The following GNAT1 variants were observed in gnomAD, a reference collection of about 807,000 sequenced individuals.
GNAT1 encodes the protein guanine nucleotide-binding protein G(t) subunit alpha-1.
Under a neutral mutation model 40.0 loss-of-function variants are expected in GNAT1, and 36 were observed. The ratio of observed to expected loss-of-function variants is 0.90; its 90% confidence interval spans 0.69 to 1.19. GNAT1 has a LOEUF of 1.19. Among genes scored for constraint, GNAT1 ranks in the 50% most tolerant of loss-of-function variants. The pLI is 0.00. For synonymous variants in GNAT1, 195 were observed against 192.9 expected (o/e 1.01, Z -0.09); for missense variants, 413 against 480.6 (o/e 0.86, Z 1.32).
At chr3:50,192,954 C>T (rs1412861624) in intron 1 of GNAT1, 179 bp from the exon 2 acceptor site, 3 of 649,794 alleles carry the variant, frequency 4.6e-6, no homozygotes, top group Admixed American at 2.5e-5. Flanking sequence ...CTTGTGACTT[C>T]AGGATGTCAG....
rs898213119 is a variant in GNAT1, at chr3:50,196,974, G to A, written c.*1708G>A. Among the ~76,000 whole-genome samples, 1 of 152,012 alleles carries A rather than the reference G, an allele frequency of 6.6e-6. No individual in the cohort carries two copies. The highest frequency in any genetic ancestry group is 2.4e-5 in the African/African-American group (1 of 41,348). Reference sequence around the variant, plus strand: ...TTGCAGGGCTGGGATTAGGGTGAGGGAAGTGAGGCACACTCACCTTGGGTG... The same window carrying A: ...TTGCAGGGCTGGGATTAGGGTGAGGAAAGTGAGGCACACTCACCTTGGGTG... On this transcript the variant is annotated 3_prime_UTR_variant, in exon 9 of 9. Transcript: ENST00000232461.
At position 50,193,121 on chromosome 3, in the gene GNAT1, C is replaced by T. The variant is rs1281062462; in HGVS notation, c.107-12C>T. On this transcript the variant is annotated splice_polypyrimidine_tract_variant and intron_variant, in intron 1 of 8. Transcript: ENST00000232461. The surrounding 1 kb of genome is among the most constrained non-coding windows in gnomAD (Gnocchi z 8.1). ...TGGTCAGCGCAGCTCTGAGGCGCCG[C>T]GTCTCTTTCAGGTGCCGGTGAGTCC... is the stretch of plus-strand genomic sequence containing the variant. 1 of 1,613,684 alleles carries T rather than the reference C, an allele frequency of 6.2e-7. No individual in the cohort carries two copies.
chr3:50,194,631 G>C lies in GNAT1; in HGVS notation c.839G>C (p.Ser280Thr). 6.2e-7 allele frequency: 1 copy of C among 1,613,528 alleles called. No homozygotes were observed. The highest frequency in any genetic ancestry group is 2.2e-5 in the East Asian group (1 of 44,876). The change falls in exon 7 of 9, where the codon AGC becomes ACC. Residue 280 changes from serine to threonine, a missense_variant. Transcript: ENST00000232461. The surrounding 1 kb of genome is among the most constrained non-coding windows in gnomAD (Gnocchi z 6.1). ...GAGAAGATCAAGAAGGCGCACCTCA[G>C]CATCTGTTTCCCGGACTACGATGGT... ...FFEKIKKAHLSICFPDYDGPN... is the reference protein window; with the variant it reads ...FFEKIKKAHLTICFPDYDGPN...
chr3:50,194,975 C>T lies in GNAT1; in HGVS notation c.*1+19C>T. ...TTCTGAGGTAGGTCGCTGCCCTCTC[C>T]AGGCTCTTGCCTCAATACCCCAGCC... On this transcript the variant is annotated intron_variant, in intron 8 of 8. Transcript: ENST00000232461. This position sits in a 1 kb window ranked among gnomAD's most constrained non-coding sequence, Gnocchi z 6.1. 1 of 1,581,254 alleles carries T rather than the reference C, an allele frequency of 6.3e-7. No individual in the cohort carries two copies. The highest frequency in any genetic ancestry group is 8.7e-7 in the Non-Finnish European group (1 of 1,156,036).
In GNAT1 at chr3:50,194,686, C is replaced by T. The variant is rs1699475386; in HGVS notation, c.862+32C>T. The T allele has an allele frequency of 6.2e-7, 1 of 1,610,992 alleles. No homozygotes were observed. ...AGTCCGCAAGGCCGCCAGGCGGCGC[C>T]CCCGCCCCACGATCGCGGCGCGCAC... On this transcript the variant is annotated intron_variant, in intron 7 of 8. Coordinates refer to ENST00000232461, the MANE Select transcript of GNAT1 (RefSeq NM_144499.3). This position sits in a 1 kb window ranked among gnomAD's most constrained non-coding sequence, Gnocchi z 6.1.
At chr3:50,192,177 C>T (rs922289626) in intron 1 of GNAT1, among the ~76,000 whole-genome samples, 1 of 152,230 alleles carries the variant, frequency 6.6e-6, no homozygotes, top group African/African-American at 2.4e-5. Context: ...GATACGCCTG[C>T]TAGGCAATGC....
In GNAT1 at chr3:50,197,017, C is replaced by T. The variant is rs1409614997; in HGVS notation, c.*1751C>T. On this transcript the variant is annotated 3_prime_UTR_variant, in exon 9 of 9. Transcript: ENST00000232461. ...CTTGGGTGCAACATTTAAGGCGATG[C>T]CAAAAAATTTAGTAACCAAGGTAAA... Among the ~76,000 whole-genome samples, 1 of 151,766 alleles carries T rather than the reference C, an allele frequency of 6.6e-6. No homozygotes were observed. The highest frequency in any genetic ancestry group is 1.5e-5 in the Non-Finnish European group (1 of 67,964).
In GNAT1 at chr3:50,193,669, CGCGCGGGCAGCGCGGG is replaced by C. The variant is rs775214275; in HGVS notation, c.449+14_449+29del. 3.1e-6 allele frequency: 5 copies of C among 1,610,564 alleles called. No individual in the cohort carries two copies. The highest frequency in any genetic ancestry group is 1.3e-5 in the African/African-American group (1 of 75,008). ...CTCAACGACTCGGCGGGCTAGTGAG[CGCGCGGGCAGCGCGGG>C]GCGCGGGGCGCGGGGCGCAGGGGGC... is the stretch of plus-strand genomic sequence containing the variant. On this transcript the variant is annotated splice_region_variant and intron_variant, in intron 4 of 8. Transcript: ENST00000232461. The surrounding 1 kb of genome is among the most constrained non-coding windows in gnomAD (Gnocchi z 8.1).
Position 50,194,150 on chromosome 3 carries a change from G to A in GNAT1, c.637G>A (p.Gly213Ser), listed in dbSNP as rs1327628053. The change falls in exon 6 of 9, where the codon GGC (glycine) becomes AGC (serine). Residue 213 changes from glycine to serine, a missense_variant. Physicochemically the swap from Gly to Ser is moderately conservative, Grantham distance 56. Transcript: ENST00000232461. The surrounding 1 kb of genome is among the most constrained non-coding windows in gnomAD (Gnocchi z 6.1). ...CAAGAAGTGGATCCACTGCTTCGAG[G>A]GCGTGACCTGCATCATCTTCATCGC... is the stretch of plus-strand genomic sequence containing the variant. ...ERKKWIHCFE[G>S]VTCIIFIAAL... 1 of 1,614,040 alleles carries A rather than the reference G, an allele frequency of 6.2e-7. No individual in the cohort carries two copies. The highest frequency in any genetic ancestry group is 1.1e-5 in the South Asian group (1 of 91,076).
chr3:50,192,319 G>A (rs1159041209), intron 1 of GNAT1, among the ~76,000 whole-genome samples: 1 of 152,204 alleles, frequency 6.6e-6, no homozygotes, highest in Non-Finnish European at 1.5e-5. Context: ...TCAGGTGCCA[G>A]AGGGCTGTGG....
In GNAT1 at chr3:50,194,778, C is replaced by A; in HGVS notation, c.876C>A (p.Tyr292Ter). 6.2e-7 allele frequency: 1 copy of A among 1,613,778 alleles called. No homozygotes were observed. ...CCGCCCCCGCAGGACCCAACACCTA[C>A]GAGGACGCCGGCAACTACATCAAGG... Reference protein sequence around the residue: ...CFPDYDGPNTYEDAGNYIKVQ... With the variant: ...CFPDYDGPNT Residue 292 changes from tyrosine to a stop codon, truncating the protein, a stop_gained, in exon 8 of 9, where the codon TAC becomes TAA. Transcript: ENST00000232461. LOFTEE classifies it high-confidence loss of function. The surrounding 1 kb of genome is among the most constrained non-coding windows in gnomAD (Gnocchi z 6.1).
At position 50,194,879 on chromosome 3, in the gene GNAT1, A is replaced by C. The variant is rs1699479769; in HGVS notation, c.977A>C (p.Gln326Pro). The change falls in exon 8 of 9, where the codon CAG (glutamine) becomes CCG (proline). Residue 326 changes from glutamine to proline, a missense_variant. By Grantham distance (76) the Gln-to-Pro change is moderately conservative. Coordinates refer to ENST00000232461, the MANE Select transcript of GNAT1 (RefSeq NM_144499.3). This position sits in a 1 kb window ranked among gnomAD's most constrained non-coding sequence, Gnocchi z 6.1. Reference protein sequence around the residue: ...YSHMTCATDTQNVKFVFDAVT... With the variant: ...YSHMTCATDTPNVKFVFDAVT... The stretch of plus-strand genomic sequence containing the variant: ...CACATGACGTGCGCCACCGACACGC[A>C]GAACGTCAAATTTGTCTTCGACGCT... 3.1e-6 allele frequency: 5 copies of C among 1,613,922 alleles called. No individual in the cohort carries two copies. Among genetic ancestry groups the C allele is most frequent in the Non-Finnish European group, 4.2e-6 (5 of 1,179,944 alleles).
chr3:50,192,817 T>C (rs181378632), intron 1 of GNAT1: 97 of 527,574 alleles, frequency 1.8e-4, no homozygotes, highest in African/African-American at 1.5e-3. Flanking sequence ...GATTTCTTCA[T>C]TGCAGTCTCA....
chr3:50,195,149 C>A (rs1376314216), intron 8 of GNAT1, 119 bp from the exon 9 acceptor site: 1 of 579,586 alleles, frequency 1.7e-6, no homozygotes, highest in Admixed American at 3.1e-5. Flanking sequence ...CATTGAATTT[C>A]TTTTGGCCCC....
In GNAT1 at chr3:50,191,812, C is replaced by T. The variant is rs775324794; in HGVS notation, c.87C>T (p.Thr29=). ...LKEDAEKDAR[T]VKLLLLGAGE... is the part of the protein sequence containing the mutation. ...AGGACGCTGAGAAGGATGCTCGAAC[C>T]GTGAAGCTGCTGCTTCTGGGTAGGG... The change falls in exon 1 of 9, where the codon ACC becomes ACT. Residue 29 remains threonine, a synonymous_variant. Coordinates refer to ENST00000232461, the MANE Select transcript of GNAT1 (RefSeq NM_144499.3). 2.0e-5 allele frequency: 32 copies of T among 1,612,440 alleles called. 1 individual carries two copies. Among genetic ancestry groups the T allele is most frequent in the Admixed American group, 1.2e-4 (7 of 59,998 alleles).
rs1050857861 is a variant in GNAT1 at position 50,193,696 on chromosome 3, C to T, written c.449+33C>T. ...CGCGGGCAGCGCGGGGCGCGGGGCG[C>T]GGGGCGCAGGGGGCCCTCCACGCCT... is the stretch of plus-strand genomic sequence containing the variant. On this transcript the variant is annotated intron_variant, in intron 4 of 8. Transcript: ENST00000232461. The surrounding 1 kb of genome is among the most constrained non-coding windows in gnomAD (Gnocchi z 8.1). The T allele has an allele frequency of 6.9e-6, 11 of 1,603,160 alleles. No individual in the cohort carries two copies. Among genetic ancestry groups the T allele is most frequent in the Admixed American group, 1.7e-5 (1 of 58,868 alleles).
rs1699461867 is a variant in GNAT1, at chr3:50,193,940, A to T, written c.578+59A>T. On this transcript the variant is annotated intron_variant, in intron 5 of 8. Coordinates refer to ENST00000232461, the MANE Select transcript of GNAT1 (RefSeq NM_144499.3). The surrounding 1 kb of genome is among the most constrained non-coding windows in gnomAD (Gnocchi z 8.1). Reference sequence around the variant, plus strand: ...CCCCAGGCCCCGTCCTGCCCCGGGGACCCCATCCCTGCGATAGACCCTGCC... The same window carrying T: ...CCCCAGGCCCCGTCCTGCCCCGGGGTCCCCATCCCTGCGATAGACCCTGCC... 6.2e-7 allele frequency: 1 copy of T among 1,608,016 alleles called. No individual in the cohort carries two copies. The highest frequency in any genetic ancestry group is 1.3e-5 in the African/African-American group (1 of 74,804).
At position 50,193,782 on chromosome 3, in the gene GNAT1, C is replaced by A. The variant is rs1474755659; in HGVS notation, c.479C>A (p.Thr160Asn). 7 of 1,612,484 alleles carry A rather than the reference C, an allele frequency of 4.3e-6. No individual in the cohort carries two copies. The highest frequency in any genetic ancestry group is 5.9e-6 in the Non-Finnish European group (7 of 1,179,808). The change falls in exon 5 of 9, where the codon ACC becomes AAC. Residue 160 changes from threonine (T) to asparagine (N), a missense_variant. By Grantham distance (65) the Thr-to-Asn change is moderately conservative. Coordinates refer to ENST00000232461, the MANE Select transcript of GNAT1 (RefSeq NM_144499.3). This position sits in a 1 kb window ranked among gnomAD's most constrained non-coding sequence, Gnocchi z 8.1. ...YYLSDLERLV[T>N]PGYVPTEQDV... ...CTCTCCGACCTGGAGCGCCTGGTAA[C>A]CCCGGGCTACGTGCCCACCGAGCAG... is the stretch of plus-strand genomic sequence containing the variant.
Position 50,194,060 on chromosome 3 carries a change from G to A in GNAT1, c.579-32G>A. Reference sequence around the variant, plus strand: ...GAAGGGATGTTGCCTGTGGGGCCCGGGGCGCAGGTTCAGGCCCCCGCGGCC... The same window carrying A: ...GAAGGGATGTTGCCTGTGGGGCCCGAGGCGCAGGTTCAGGCCCCCGCGGCC... On this transcript the variant is annotated intron_variant, in intron 5 of 8. Coordinates refer to ENST00000232461, the MANE Select transcript of GNAT1 (RefSeq NM_144499.3). The surrounding 1 kb of genome is among the most constrained non-coding windows in gnomAD (Gnocchi z 6.1). 1 of 1,611,412 alleles carries A rather than the reference G, an allele frequency of 6.2e-7. No individual in the cohort carries two copies. Among genetic ancestry groups the A allele is most frequent in the South Asian group, 1.1e-5 (1 of 90,964 alleles).
Sources: allele counts gnomAD v4.1 joint callset (sites outside exome capture counted in the v4.1 genomes callset), GRCh38; gene constraint gnomAD v4.1.1; non-coding constraint Gnocchi (gnomAD v3.1); transcripts MANE v1.5; gene names NCBI Gene and HGNC (gene_info 2026-07-23, HGNC 2026-07-21).